Variants in SSH1 observed in about 807,000 individuals in gnomAD.
SSH1 encodes protein phosphatase Slingshot homolog 1.
A neutral mutation model predicts 79.7 loss-of-function variants in SSH1; 43 were observed. The ratio of observed to expected loss-of-function variants is 0.54; its 90% confidence interval spans 0.42 to 0.70. The LOEUF (loss-of-function observed/expected upper bound fraction) is 0.70. SSH1 is among the 30% of genes least tolerant of loss of function. The probability of loss-of-function intolerance (pLI) is 0.00; values close to 1 mark genes in which losing one functional copy is unlikely to be tolerated. For missense variants in SSH1, 1,206 were observed against 1,358.8 expected, an observed-to-expected ratio of 0.89 and a Z score of 1.77; for synonymous variants, 599 against 538.3, an observed-to-expected ratio of 1.11 and a Z score of -1.56.
chr12:108,814,084 C>T (rs1258005403), intron 5 of SSH1, among the ~76,000 whole-genome samples: 3 of 152,078 alleles, frequency 2.0e-5, no homozygotes, highest in Admixed American at 1.3e-4. Flanking sequence ...ACTTTCCAGG[C>T]ATGGTGGTGC....
intron 2 of SSH1, among the ~76,000 whole-genome samples, chr12:108,849,127 G>A (rs78953504): frequency 0.029 from 4,465 of 152,274 alleles, 160 homozygotes; most frequent in African/African-American, 0.083. Flanking sequence ...TTGGGCCTCA[G>A]CCACCAACCG....
chr12:108,827,629 T>G, intron 2 of SSH1: 5 of 1,127,702 alleles, frequency 4.4e-6, no homozygotes, highest in Non-Finnish European at 5.6e-6. Context: ...ACTGCACTCC[T>G]ACGGGCTTTT....
chr12:108,806,266 C>T (rs756000341), intron 9 of SSH1, 35 bp downstream of exon 9: 1 of 1,593,216 alleles, frequency 6.3e-7, no homozygotes, highest in South Asian at 1.1e-5. Context: ...GGCTGCATGA[C>T]CTCTGACCTG....
In SSH1 at chr12:108,783,099, G is replaced by C. The variant is rs1427142336; in HGVS notation, c.*4889C>G. The C allele has an allele frequency of 1.3e-5, 2 of 152,292 alleles. No homozygotes were observed. Among genetic ancestry groups the C allele is most frequent in the African/African-American group, 4.8e-5 (2 of 41,466 alleles). 9.4% of individuals were successfully genotyped at this position (152,292 alleles called of 1,614,324 possible). On this transcript the variant is annotated 3_prime_UTR_variant, in exon 15 of 15. Coordinates refer to ENST00000326495, the MANE Select transcript of SSH1 (RefSeq NM_018984.4). ...GATTGTGTGACTGGGGAATGGGCAG[G>C]TGCTGGACTCTGGTGCAGAGGCTGC...
At chr12:108,855,537 G>A (rs977612176) in intron 1 of SSH1, among the ~76,000 whole-genome samples, 6 of 152,324 alleles carry the variant, frequency 3.9e-5, no homozygotes, top group African/African-American at 7.2e-5. Flanking sequence ...CGTAAGACAA[G>A]AACAGATTAG....
In SSH1 at chr12:108,848,874, C is replaced by T. The variant is rs565986498; in HGVS notation, c.110+3764G>A. On this transcript the variant is annotated intron_variant, in intron 2 of 14. Transcript: ENST00000326495. ...GCTGACAGTGGCACGGAAGGACTCT[C>T]GGTGGTGGTCAGAATGACCCAACAT... is the stretch of plus-strand genomic sequence containing the variant. Among the ~76,000 whole-genome samples the T allele has an allele frequency of 2.4e-4, 36 of 152,246 alleles. No homozygotes were observed. The Middle Eastern group carries it at 0.01, about 43-fold the overall frequency.
intron 2 of SSH1, among the ~76,000 whole-genome samples, chr12:108,831,300 T>C (rs938099850): frequency 2.0e-5 from 3 of 152,178 alleles, no homozygotes; most frequent in African/African-American, 4.8e-5. Flanking sequence ...ATGGTAATTC[T>C]AGGAGAAAAA....
At chr12:108,839,478 A>G (rs1457897373) in intron 2 of SSH1, among the ~76,000 whole-genome samples, 4 of 152,164 alleles carry the variant, frequency 2.6e-5, no homozygotes, top group Admixed American at 2.0e-4. Flanking sequence ...ACCACACTGA[A>G]GGCCCCTTCC....
intron 2 of SSH1, among the ~76,000 whole-genome samples, chr12:108,845,194 G>C (rs2137271556): frequency 7.6e-6 from 1 of 131,534 alleles, no homozygotes; most frequent in Admixed American, 8.1e-5. Flanking sequence ...GGGCAACAGA[G>C]CAGAAAAAAA....
chr12:108,808,243 G>A (rs1172861119), intron 7 of SSH1, among the ~76,000 whole-genome samples: 1 of 152,170 alleles, frequency 6.6e-6, no homozygotes, highest in East Asian at 1.9e-4. Flanking sequence ...CGGCTGAGAA[G>A]TGCAGTTTGT....
chr12:108,803,238 T>G (rs1160128750), intron 10 of SSH1, among the ~76,000 whole-genome samples: 1 of 152,202 alleles, frequency 6.6e-6, no homozygotes, highest in Admixed American at 6.5e-5. Flanking sequence ...TCGGGAATGC[T>G]TTTTTCTTCT....
At chr12:108,848,719 T>C (rs187935144) in intron 2 of SSH1, among the ~76,000 whole-genome samples, 12 of 152,254 alleles carry the variant, frequency 7.9e-5, no homozygotes, top group African/African-American at 2.6e-4. Flanking sequence ...GACGTCAAGG[T>C]GGCTGAAGAG....
chr12:108,815,035 C>T lies in SSH1; in HGVS notation c.401+2003G>A, dbSNP rs533879392. On this transcript the variant is annotated intron_variant, in intron 5 of 14. Coordinates refer to ENST00000326495, the MANE Select transcript of SSH1 (RefSeq NM_018984.4). ...TGGCCCCAGCACCTGGCGGGGCGCC[C>T]GGCACAGGGAAAGAGCTAGCAAGTC... 3.1e-4 allele frequency among the ~76,000 whole-genome samples: 47 copies of T among 152,312 alleles called. 1 individual carries two copies. The highest frequency in any genetic ancestry group is 1.1e-3 in the African/African-American group (47 of 41,572).
Position 108,789,164 on chromosome 12 carries a change from G to C in SSH1, c.1974C>G (p.Ser658Arg). The C allele has an allele frequency of 6.2e-7, 1 of 1,611,916 alleles. No individual in the cohort carries two copies. The highest frequency in any genetic ancestry group is 1.7e-5 in the Admixed American group (1 of 59,482). Residue 658 changes from serine (S) to arginine (R), a missense_variant, in exon 15 of 15, where the codon AGC (serine) becomes AGG (arginine). This residue lies in a region of SSH1 where 709 missense variants were observed against 730.6 expected (regional missense o/e 0.97). Transcript: ENST00000326495. ...SCADCMYPTA[S>R]GAPEASRERC... Reference sequence around the variant, plus strand: ...GCTCCCTGGAGGCCTCAGGAGCCCCGCTGGCTGTAGGGTACATGCAGTCGG... The same window carrying C: ...GCTCCCTGGAGGCCTCAGGAGCCCCCCTGGCTGTAGGGTACATGCAGTCGG...
intron 14 of SSH1, among the ~76,000 whole-genome samples, chr12:108,789,986 A>AC (rs531749756): frequency 1.3e-5 from 2 of 151,250 alleles, no homozygotes; most frequent in South Asian, 4.2e-4. Flanking sequence ...GAGCGACTAC[A>AC]CCCCGCCAGC....
In SSH1 at chr12:108,792,314, CTGT is replaced by C. The variant is rs769097945; in HGVS notation, c.1862_1864del (p.Asn621del). The C allele has an allele frequency of 1.1e-5, 18 of 1,614,086 alleles. No homozygotes were observed. The highest frequency in any genetic ancestry group is 3.3e-5 in the South Asian group (3 of 91,090). ...CATGCCGTTGGGACAGCTCCTCTTGCTGTTGTTGTTTAGGTTCTCCGAGTTGAG... is the reference window on the plus strand; with the variant it reads ...CATGCCGTTGGGACAGCTCCTCTTGCTGTTGTTTAGGTTCTCCGAGTTGAG... On this transcript the variant is annotated inframe_deletion, in exon 14 of 15. Transcript: ENST00000326495.
At chr12:108,806,099 G>A (rs1046529145) in intron 9 of SSH1, among the ~76,000 whole-genome samples, 1 of 152,092 alleles carries the variant, frequency 6.6e-6, no homozygotes, top group Admixed American at 6.5e-5. Context: ...GCCGATAAGC[G>A]GCAGATCTGG....
chr12:108,797,769 C>T (rs1565976345), intron 13 of SSH1, among the ~76,000 whole-genome samples: 1 of 152,188 alleles, frequency 6.6e-6, no homozygotes, highest in Non-Finnish European at 1.5e-5. Flanking sequence ...TTTCATCACT[C>T]AGTAAAATTC....
intron 8 of SSH1, 86 bp from the exon 9 acceptor site, chr12:108,806,480 T>C (rs2037280700): frequency 8.3e-7 from 1 of 1,208,316 alleles, no homozygotes; most frequent in Non-Finnish European, 1.2e-6. Context: ...CTCCTGGGTC[T>C]AAACAGAACA....
Sources: gnomAD v4.1 joint callset for allele counts (sites outside exome capture counted in the v4.1 genomes callset) on GRCh38, gnomAD v4.1.1 for gene constraint, gnomAD v4.1.1 regional missense constraint, MANE v1.5 for transcripts, NCBI Gene and HGNC (gene_info 2026-07-23, HGNC 2026-07-21) for gene names.